The following PRMT3 variants were observed in gnomAD, a reference collection of about 807,000 sequenced individuals.
The protein encoded by PRMT3 is protein arginine N-methyltransferase 3.
PRMT3 carries 62 observed loss-of-function variants against 71.9 expected under a neutral mutation model. The observed-to-expected ratio is 0.86, with a 90% CI of 0.70 to 1.07. The LOEUF (loss-of-function observed/expected upper bound fraction) is 1.07, where lower values mean the gene tolerates loss of function less well. PRMT3 is among the 50% of genes least tolerant of loss of function. The pLI, the probability that PRMT3 is intolerant of heterozygous loss-of-function variation, is 0.00. For missense variants in PRMT3, 663 were observed against 643.0 expected, an observed-to-expected ratio of 1.03 and a Z score of -0.34; for synonymous variants, 213 against 220.4, an observed-to-expected ratio of 0.97 and a Z score of 0.30.
intron 9 of PRMT3, among the ~76,000 whole-genome samples, chr11:20,413,525 C>T (rs1849238834): frequency 6.6e-6 from 1 of 152,048 alleles, no homozygotes; most frequent in Non-Finnish European, 1.5e-5. Context: ...AAATGGCTGG[C>T]CCTGTAACTG....
chr11:20,439,771 G>T (rs1849844706), intron 10 of PRMT3, among the ~76,000 whole-genome samples: 1 of 152,186 alleles, frequency 6.6e-6, no homozygotes, highest in Non-Finnish European at 1.5e-5. Flanking sequence ...TGTTTATGTG[G>T]AGTTTGAAAA....
intron 13 of PRMT3, among the ~76,000 whole-genome samples, chr11:20,472,105 A>G (rs1644994781): frequency 6.6e-6 from 1 of 152,170 alleles, no homozygotes; most frequent in Admixed American, 6.5e-5. Flanking sequence ...TTGGGCTGAG[A>G]TGATGGAGTT....
intron 5 of PRMT3, among the ~76,000 whole-genome samples, chr11:20,394,681 A>G (rs914380014): frequency 3.3e-5 from 5 of 152,210 alleles, no homozygotes; most frequent in Non-Finnish European, 7.3e-5. Flanking sequence ...TCACTTTACA[A>G]TAGACAGATG....
chr11:20,467,156 A>C (rs1850532411), intron 13 of PRMT3, among the ~76,000 whole-genome samples: 1 of 152,194 alleles, frequency 6.6e-6, no homozygotes, highest in Non-Finnish European at 1.5e-5. Context: ...CATGCCAGGT[A>C]CTGAAGATAA....
intron 9 of PRMT3, among the ~76,000 whole-genome samples, chr11:20,415,703 C>T (rs946268730): frequency 6.6e-6 from 1 of 152,106 alleles, no homozygotes; most frequent in Non-Finnish European, 1.5e-5. Context: ...CCATGGTATA[C>T]ACCCAAACCA....
chr11:20,390,731 A>G (rs10833317), intron 3 of PRMT3, among the ~76,000 whole-genome samples: 1 of 152,104 alleles, frequency 6.6e-6, no homozygotes, highest in Non-Finnish European at 1.5e-5. Flanking sequence ...TGTGATTCCA[A>G]CACTTTGGGA....
intron 13 of PRMT3, among the ~76,000 whole-genome samples, chr11:20,475,966 G>T (rs138256746): frequency 2.6e-5 from 4 of 151,548 alleles, no homozygotes; most frequent in Non-Finnish European, 1.5e-5. Context: ...ATGAGCCACC[G>T]CCTTTTAAAT....
intron 3 of PRMT3, among the ~76,000 whole-genome samples, chr11:20,390,512 C>T (rs73444951): frequency 0.037 from 5,695 of 152,218 alleles, 320 homozygotes; most frequent in African/African-American, 0.13. Flanking sequence ...TCACAGCCTA[C>T]GAGACTGAGT....
intron 7 of PRMT3, among the ~76,000 whole-genome samples, chr11:20,402,181 G>A (rs935092876): frequency 1.1e-4 from 17 of 151,770 alleles, no homozygotes; most frequent in Non-Finnish European, 2.4e-4. Flanking sequence ...GTGCAATGGT[G>A]CAATCTCAGC....
intron 9 of PRMT3, among the ~76,000 whole-genome samples, chr11:20,421,095 C>G (rs10766673): frequency 0.86 from 130,526 of 152,120 alleles, 57,044 homozygotes; most frequent in Non-Finnish European, 0.95. Flanking sequence ...CTGGAGTGCA[C>G]TGGCAAGGTC....
chr11:20,398,453 T>C (rs1000537507), intron 7 of PRMT3, among the ~76,000 whole-genome samples: 2 of 151,158 alleles, frequency 1.3e-5, no homozygotes, highest in Non-Finnish European at 3.0e-5. Context: ...TAATGCCATA[T>C]TTTTTTTTGT....
chr11:20,406,317 C>G (rs1027543237), intron 8 of PRMT3: 1 of 152,156 alleles, frequency 6.6e-6, no homozygotes, highest in African/African-American at 2.4e-5. Context: ...AGTACAGAAG[C>G]AATTTGTTTT....
chr11:20,402,282 A>C, intron 7 of PRMT3, among the ~76,000 whole-genome samples: 1 of 151,650 alleles, frequency 6.6e-6, no homozygotes. Context: ...ACCACACCCG[A>C]CTAATTTTGT....
intron 15 of PRMT3, among the ~76,000 whole-genome samples, chr11:20,506,083 T>C (rs1423156724): frequency 6.6e-6 from 1 of 152,212 alleles, no homozygotes; most frequent in Non-Finnish European, 1.5e-5. Flanking sequence ...TTACCTTTTC[T>C]GAACTTCATC....
chr11:20,420,933 A>C (rs1393566223), intron 9 of PRMT3, among the ~76,000 whole-genome samples: 2 of 152,242 alleles, frequency 1.3e-5, no homozygotes, highest in Non-Finnish European at 2.9e-5. Flanking sequence ...TTTTATGTTT[A>C]TGTATGTTTA....
intron 12 of PRMT3, among the ~76,000 whole-genome samples, chr11:20,463,103 A>T (rs1487167612): frequency 6.6e-6 from 1 of 152,176 alleles, no homozygotes; most frequent in Non-Finnish European, 1.5e-5. Context: ...TGACCTCATG[A>T]TCCGCCTGCC....
chr11:20,458,080 T>C (rs1850307104), intron 11 of PRMT3, among the ~76,000 whole-genome samples: 1 of 152,194 alleles, frequency 6.6e-6, no homozygotes, highest in South Asian at 2.1e-4. Flanking sequence ...GCTCATTTAA[T>C]TCCCATTTGG....
Position 20,426,876 on chromosome 11 carries a change from A to G in PRMT3, c.993+11A>G. On this transcript the variant is annotated intron_variant, in intron 10 of 15. Coordinates refer to ENST00000331079, the MANE Select transcript of PRMT3 (RefSeq NM_005788.4). The stretch of plus-strand genomic sequence containing the variant: ...ATATCTGAGTGGATGGTGAGTGTTT[A>G]TAGAAAAAACTACTTTCACTGGTAA... 1 of 1,519,346 alleles carries G rather than the reference A, an allele frequency of 6.6e-7. No individual in the cohort carries two copies. The highest frequency in any genetic ancestry group is 8.7e-7 in the Non-Finnish European group (1 of 1,145,866). 94.1% of individuals were successfully genotyped at this position (1,519,346 alleles called of 1,614,324 possible). A position where few individuals can be genotyped will look rare whatever the true frequency, so the allele number is the denominator to read the frequency against.
intron 13 of PRMT3, among the ~76,000 whole-genome samples, chr11:20,491,993 G>C (rs918931142): frequency 3.3e-5 from 5 of 152,132 alleles, no homozygotes; most frequent in African/African-American, 1.2e-4. Flanking sequence ...CCATATTTGA[G>C]ACTGAAGACT....
Sources: gnomAD v4.1 joint callset for allele counts (sites outside exome capture counted in the v4.1 genomes callset) on GRCh38, gnomAD v4.1.1 for gene constraint, MANE v1.5 for transcripts, NCBI Gene and HGNC (gene_info 2026-07-23, HGNC 2026-07-21) for gene names.